KCNAB1: variants seen among roughly 807,000 people sequenced by gnomAD.
KCNAB1 encodes potassium voltage-gated channel subfamily A regulatory beta subunit 1, also known as voltage-gated potassium channel subunit beta-1.
A neutral mutation model predicts 64.6 loss-of-function variants in KCNAB1; 35 were observed. The ratio of observed to expected loss-of-function variants is 0.54; its 90% CI spans 0.41 to 0.72. The LOEUF is 0.72. KCNAB1 is among the 30% of genes least tolerant of loss of function. The probability of loss-of-function intolerance (pLI) is 0.00; values close to 1 mark genes in which losing one functional copy is unlikely to be tolerated. For synonymous variants in KCNAB1, 177 were observed against 183.8 expected, an observed-to-expected ratio of 0.96 and a Z score of 0.30; for missense variants, 401 against 512.9, an observed-to-expected ratio of 0.78 and a Z score of 2.11.
intron 1 of KCNAB1, among the ~76,000 whole-genome samples, chr3:156,216,005 A>C (rs774722884): frequency 3.3e-5 from 5 of 152,356 alleles, no homozygotes; most frequent in Non-Finnish European, 4.4e-5. Context: ...ATGGTTCAAC[A>C]TAACACAGTT....
chr3:156,240,061 G>A (rs1717074798), intron 1 of KCNAB1, among the ~76,000 whole-genome samples: 1 of 152,156 alleles, frequency 6.6e-6, no homozygotes, highest in Admixed American at 6.5e-5. Context: ...ACTAATGGAA[G>A]ACGTATTTCA....
intron 1 of KCNAB1, among the ~76,000 whole-genome samples, chr3:156,386,915 C>T (rs1316498790): frequency 6.6e-6 from 1 of 151,924 alleles, no homozygotes; most frequent in African/African-American, 2.4e-5. Flanking sequence ...GCTTCCCTTT[C>T]ATGTCAGCTC....
chr3:156,426,388 T>C (rs1218275580), intron 2 of KCNAB1, among the ~76,000 whole-genome samples: 4 of 152,200 alleles, frequency 2.6e-5, no homozygotes, highest in Non-Finnish European at 5.9e-5. Context: ...CATACACCCC[T>C]ATCCCTACAC....
intron 7 of KCNAB1, among the ~76,000 whole-genome samples, chr3:156,467,899 T>C (rs1713539114): frequency 6.6e-6 from 1 of 152,114 alleles, no homozygotes; most frequent in Non-Finnish European, 1.5e-5. Context: ...ATTTATATAT[T>C]TATTTATTAG....
chr3:156,179,006 A>C (rs1304298541), intron 1 of KCNAB1, among the ~76,000 whole-genome samples: 1 of 50,208 alleles, frequency 2.0e-5, no homozygotes, highest in Non-Finnish European at 5.7e-5. Flanking sequence ...GTCTCAAAAA[A>C]AAAAAAAAAA....
At chr3:156,154,119 C>T (rs9832745) in intron 1 of KCNAB1, among the ~76,000 whole-genome samples, 89,794 of 152,100 alleles carry the variant, frequency 0.59, 27,343 homozygotes, top group East Asian at 0.92. Context: ...CAGAATGAGA[C>T]ACTCGTTGCT....
At chr3:156,123,540 C>T (rs1713473081) in intron 1 of KCNAB1, among the ~76,000 whole-genome samples, 1 of 152,160 alleles carries the variant, frequency 6.6e-6, no homozygotes. Flanking sequence ...TTGCAGGCAG[C>T]AGGATAGGGA....
intron 8 of KCNAB1, among the ~76,000 whole-genome samples, chr3:156,497,342 G>T (rs1397537584): frequency 1.3e-5 from 2 of 152,210 alleles, no homozygotes; most frequent in African/African-American, 4.8e-5. Flanking sequence ...AATGAAGATT[G>T]CTTCCTGTTA....
At chr3:156,311,254 A>G (rs1217078397) in intron 1 of KCNAB1, among the ~76,000 whole-genome samples, 1 of 152,242 alleles carries the variant, frequency 6.6e-6, no homozygotes, top group Non-Finnish European at 1.5e-5. Flanking sequence ...GGCTCAGTGG[A>G]AGCTATCACC....
intron 1 of KCNAB1, among the ~76,000 whole-genome samples, chr3:156,235,449 G>A (rs1470841559): frequency 4.6e-5 from 7 of 152,096 alleles, no homozygotes; most frequent in Admixed American, 4.6e-4. Context: ...TTCCTTTTCA[G>A]TAATGGATTA....
chr3:156,482,093 T>C (rs1039048179), intron 8 of KCNAB1, among the ~76,000 whole-genome samples: 3 of 152,148 alleles, frequency 2.0e-5, no homozygotes, highest in South Asian at 2.1e-4. Context: ...ATTCAAGCCA[T>C]GGAGTTGGCA....
chr3:156,418,354 T>C (rs1715234013), intron 1 of KCNAB1, among the ~76,000 whole-genome samples: 1 of 152,206 alleles, frequency 6.6e-6, no homozygotes, highest in African/African-American at 2.4e-5. Flanking sequence ...AGGGTATGTG[T>C]TATAGCCCAG....
intron 1 of KCNAB1, among the ~76,000 whole-genome samples, chr3:156,223,619 T>C (rs1232621859): frequency 6.6e-6 from 1 of 152,126 alleles, no homozygotes; most frequent in Non-Finnish European, 1.5e-5. Context: ...GATTGGTGTA[T>C]TTACAATCCC....
intron 1 of KCNAB1, among the ~76,000 whole-genome samples, chr3:156,121,933 A>G (rs1230103888): frequency 6.6e-6 from 1 of 152,232 alleles, no homozygotes; most frequent in Non-Finnish European, 1.5e-5. Flanking sequence ...CATATAGACT[A>G]AAAACTTGTA....
rs919861983 is a variant in KCNAB1 at position 156,338,403 on chromosome 3, C to T, written c.276-83213C>T. Among the ~76,000 whole-genome samples, 9 of 148,540 alleles carry T rather than the reference C, an allele frequency of 6.1e-5. No individual in the cohort carries two copies. The East Asian group carries it at 1.0e-3, about 17-fold the overall frequency. Reference sequence around the variant, plus strand: ...TCAGCTCACCGCAACCTCCGCCTCCCGGGTTCAAGCGATTCTCCTGCCTCA... The same window carrying T: ...TCAGCTCACCGCAACCTCCGCCTCCTGGGTTCAAGCGATTCTCCTGCCTCA... On this transcript the variant is annotated intron_variant, in intron 1 of 13. Coordinates refer to ENST00000490337, the MANE Select transcript of KCNAB1 (RefSeq NM_172160.3).
chr3:156,279,234 G>A (rs1318382545), intron 1 of KCNAB1, among the ~76,000 whole-genome samples: 2 of 149,396 alleles, frequency 1.3e-5, no homozygotes, highest in Non-Finnish European at 3.0e-5. Flanking sequence ...TTTTGTTCTT[G>A]CGATAGTTTA....
chr3:156,303,687 T>C (rs190456543), intron 1 of KCNAB1, among the ~76,000 whole-genome samples: 1 of 152,256 alleles, frequency 6.6e-6, no homozygotes, highest in East Asian at 1.9e-4. Context: ...GGCATCATCT[T>C]TATATAGATA....
intron 1 of KCNAB1, among the ~76,000 whole-genome samples, chr3:156,278,909 C>T (rs1719516509): frequency 6.6e-6 from 1 of 152,012 alleles, no homozygotes; most frequent in African/African-American, 2.4e-5. Context: ...ATTTCAAATT[C>T]TGAATGTAAA....
At chr3:156,286,192 C>T (rs968603957) in intron 1 of KCNAB1, among the ~76,000 whole-genome samples, 8 of 152,156 alleles carry the variant, frequency 5.3e-5, no homozygotes, top group African/African-American at 1.9e-4. Context: ...ATTCAAAATG[C>T]TGTGCTCATG....
Sources: gnomAD v4.1 joint callset for allele counts (sites outside exome capture counted in the v4.1 genomes callset) on GRCh38, gnomAD v4.1.1 for gene constraint, MANE v1.5 for transcripts, NCBI Gene and HGNC (gene_info 2026-07-23, HGNC 2026-07-21) for gene names.